TMEM132D: variants seen among roughly 807,000 people sequenced by gnomAD.
TMEM132D encodes the protein mature OL transmembrane protein.
Under a neutral mutation model 62.3 loss-of-function variants are expected in TMEM132D, and 21 were observed. The ratio of observed to expected loss-of-function variants is 0.34; its 90% confidence interval spans 0.24 to 0.49. The LOEUF (loss-of-function observed/expected upper bound fraction) is 0.49, where lower values mean the gene tolerates loss of function less well. Ranked by LOEUF, TMEM132D falls within the 20% of genes least tolerant of loss-of-function variation. The probability of loss-of-function intolerance (pLI) is 0.99; values close to 1 mark genes in which losing one functional copy is unlikely to be tolerated. For synonymous variants in TMEM132D, 621 were observed against 575.6 expected (o/e 1.08, Z -1.13); for missense variants, 1,346 against 1,402.8 (o/e 0.96, Z 0.65).
intron 2 of TMEM132D, among the ~76,000 whole-genome samples, chr12:129,600,394 C>A (rs540284882): frequency 6.6e-5 from 10 of 152,316 alleles, no homozygotes; most frequent in African/African-American, 2.4e-4. Flanking sequence ...TCAAAGTCAT[C>A]CATGAGGGTT....
chr12:129,588,212 T>C (rs1009540777), intron 2 of TMEM132D, among the ~76,000 whole-genome samples: 2 of 152,250 alleles, frequency 1.3e-5, no homozygotes, highest in East Asian at 3.9e-4. Context: ...ATATTCAAAG[T>C]TCCTTTCACT....
chr12:129,874,553 A>T (rs1340494474), intron 1 of TMEM132D, among the ~76,000 whole-genome samples: 1 of 150,906 alleles, frequency 6.6e-6, no homozygotes, highest in Non-Finnish European at 1.5e-5. Context: ...TTAAATATAC[A>T]TAATTTTGTT....
chr12:129,650,513 A>G (rs1488742827), intron 2 of TMEM132D, among the ~76,000 whole-genome samples: 1 of 152,186 alleles, frequency 6.6e-6, no homozygotes, highest in Admixed American at 6.5e-5. Flanking sequence ...TGCATCTTCA[A>G]ATTTACTACA....
At chr12:129,754,907 T>A (rs781409918) in intron 1 of TMEM132D, among the ~76,000 whole-genome samples, 69 of 152,140 alleles carry the variant, frequency 4.5e-4, no homozygotes, top group Non-Finnish European at 6.6e-4. Flanking sequence ...CAGAAATGGG[T>A]TTGGAAAAGG....
chr12:129,629,013 CT>C (rs773670435), intron 2 of TMEM132D, among the ~76,000 whole-genome samples: 4 of 151,832 alleles, frequency 2.6e-5, no homozygotes, highest in Non-Finnish European at 5.9e-5. Context: ...CTCTCTCCAT[CT>C]TTACCTGGTT....
intron 3 of TMEM132D, among the ~76,000 whole-genome samples, chr12:129,462,611 G>T (rs560540821): frequency 4.6e-5 from 7 of 152,216 alleles, no homozygotes; most frequent in African/African-American, 9.6e-5. Flanking sequence ...TGACTATTGT[G>T]GGGGGAGAAG....
intron 1 of TMEM132D, among the ~76,000 whole-genome samples, chr12:129,763,708 A>G (rs1029948218): frequency 4.0e-5 from 6 of 149,014 alleles, no homozygotes; most frequent in African/African-American, 1.5e-4. Context: ...ACTCAGTCCA[A>G]TGGGGTTCAA....
intron 3 of TMEM132D, among the ~76,000 whole-genome samples, chr12:129,481,385 C>T (rs915293285): frequency 6.6e-6 from 1 of 150,836 alleles, no homozygotes; most frequent in Non-Finnish European, 1.5e-5. Flanking sequence ...ATCACTTGAG[C>T]CTGGGAGGTT....
At chr12:129,667,381 A>T (rs1045917738) in intron 2 of TMEM132D, among the ~76,000 whole-genome samples, 1 of 152,186 alleles carries the variant, frequency 6.6e-6, no homozygotes, top group African/African-American at 2.4e-5. Context: ...CTTTGGTTAA[A>T]TGGCAGGGGG....
In TMEM132D at chr12:129,081,956, T is replaced by C. The variant is rs1874466117; in HGVS notation, c.1726A>G (p.Met576Val). The C allele has an allele frequency of 6.2e-7, 1 of 1,613,906 alleles. No homozygotes were observed. The highest frequency in any genetic ancestry group is 1.3e-5 in the African/African-American group (1 of 74,942). ...RGCTLQYQHA[M>V]VRVLTQFVAE... ...ACAAACTGCGTCAGGACCCGCACCA[T>C]GGCGTGCTGGTACTGCAGGGTGCAG... The change falls in exon 7 of 9, where the codon ATG (methionine) becomes GTG (valine). Residue 576 changes from methionine (M) to valine (V), a missense_variant. Transcript: ENST00000422113.
intron 1 of TMEM132D, among the ~76,000 whole-genome samples, chr12:129,823,892 T>C (rs1297244752): frequency 6.6e-6 from 1 of 152,204 alleles, no homozygotes; most frequent in Non-Finnish European, 1.5e-5. Flanking sequence ...TTATTGGTTT[T>C]AAATTGGGGG....
chr12:129,135,822 T>C (rs1476956813), intron 5 of TMEM132D, among the ~76,000 whole-genome samples: 1 of 152,188 alleles, frequency 6.6e-6, no homozygotes, highest in Non-Finnish European at 1.5e-5. Flanking sequence ...CCGTATCAGC[T>C]CAGTCTCTGC....
intron 3 of TMEM132D, among the ~76,000 whole-genome samples, chr12:129,497,564 A>C (rs1353372761): frequency 1.3e-5 from 2 of 152,006 alleles, no homozygotes; most frequent in African/African-American, 2.4e-5. Flanking sequence ...CACTAAAATC[A>C]TGTCTGATCT....
At chr12:129,247,362 A>G (rs1254216325) in intron 4 of TMEM132D, among the ~76,000 whole-genome samples, 1 of 152,120 alleles carries the variant, frequency 6.6e-6, no homozygotes, top group Non-Finnish European at 1.5e-5. Flanking sequence ...GGACAACTAG[A>G]CCAAACGCCC....
chr12:129,341,485 G>A (rs912665575), intron 3 of TMEM132D, among the ~76,000 whole-genome samples: 7 of 152,208 alleles, frequency 4.6e-5, no homozygotes, highest in African/African-American at 1.2e-4. Flanking sequence ...AGGGTCAAAG[G>A]TGTTCAAACC....
chr12:129,383,527 G>A (rs1398881253), intron 3 of TMEM132D, among the ~76,000 whole-genome samples: 1 of 152,138 alleles, frequency 6.6e-6, no homozygotes, highest in Non-Finnish European at 1.5e-5. Flanking sequence ...TTGGCTCACT[G>A]CACCCTCTGC....
At chr12:129,143,854 G>A (rs1309698119) in intron 5 of TMEM132D, among the ~76,000 whole-genome samples, 1 of 152,038 alleles carries the variant, frequency 6.6e-6, no homozygotes, top group African/African-American at 2.4e-5. Flanking sequence ...CCTGAAGGTC[G>A]ATACAATTTG....
At chr12:129,278,033 A>G (rs1479130727) in intron 4 of TMEM132D, among the ~76,000 whole-genome samples, 1 of 152,178 alleles carries the variant, frequency 6.6e-6, no homozygotes, top group African/African-American at 2.4e-5. Flanking sequence ...GCAGAAAAGG[A>G]CTGGGTCAAG....
chr12:129,813,878 C>T (rs915853493), intron 1 of TMEM132D, among the ~76,000 whole-genome samples: 2 of 151,980 alleles, frequency 1.3e-5, no homozygotes, highest in African/African-American at 2.4e-5. Flanking sequence ...AAAGCAAGAA[C>T]GTGTTTATCT....
Sources: allele counts gnomAD v4.1 joint callset (sites outside exome capture counted in the v4.1 genomes callset), GRCh38; gene constraint gnomAD v4.1.1; transcripts MANE v1.5; gene names NCBI Gene and HGNC (gene_info 2026-07-23, HGNC 2026-07-21).